ZBTB7C: variants seen among roughly 807,000 people sequenced by gnomAD.
The protein encoded by ZBTB7C is zinc finger and BTB domain containing 7C, also known as zinc finger and BTB domain-containing protein 7C.
In ZBTB7C, 8 loss-of-function variants were observed where a neutral mutation model predicts 25.7. That is an observed-to-expected ratio of 0.31 (90% CI 0.18 to 0.56). The LOEUF (loss-of-function observed/expected upper bound fraction) is 0.56. Among genes scored for constraint, ZBTB7C ranks in the 20% least tolerant of loss-of-function variants. The probability of loss-of-function intolerance (pLI) is 0.91; values close to 1 mark genes in which losing one functional copy is unlikely to be tolerated. For synonymous variants in ZBTB7C, 394 were observed against 369.0 expected (o/e 1.07, Z -0.78); for missense variants, 824 against 855.2 (o/e 0.96, Z 0.46).
At chr18:48,304,048 G>C (rs2045607570) in intron 2 of ZBTB7C, among the ~76,000 whole-genome samples, 1 of 152,136 alleles carries the variant, frequency 6.6e-6, no homozygotes, top group Admixed American at 6.5e-5. Flanking sequence ...GACCAGCCCA[G>C]GGTCCCCTGG....
At chr18:48,250,361 G>A (rs376735986) in intron 2 of ZBTB7C, among the ~76,000 whole-genome samples, 11 of 152,100 alleles carry the variant, frequency 7.2e-5, no homozygotes, top group African/African-American at 1.2e-4. Flanking sequence ...AACTCTCTGC[G>A]CCTCACTTTC....
chr18:48,296,081 C>A (rs2144715256), intron 2 of ZBTB7C, among the ~76,000 whole-genome samples: 1 of 152,324 alleles, frequency 6.6e-6, no homozygotes, highest in South Asian at 2.1e-4. Flanking sequence ...CCTGGGGCTG[C>A]ACCTCCCCCT....
intron 1 of ZBTB7C, among the ~76,000 whole-genome samples, chr18:48,343,134 T>G (rs1010138454): frequency 6.6e-6 from 1 of 152,124 alleles, no homozygotes; most frequent in Non-Finnish European, 1.5e-5. Context: ...TTGCTTGAGC[T>G]CTCTGGGCCT....
intron 3 of ZBTB7C, among the ~76,000 whole-genome samples, chr18:48,094,075 G>A (rs2038526764): frequency 6.6e-6 from 1 of 152,090 alleles, no homozygotes; most frequent in South Asian, 2.1e-4. Flanking sequence ...AAGAGAAAAA[G>A]ATTAATAACC....
chr18:48,395,264 AATGTGTGTGTGTGTGTGT>A (rs1568422446), intron 1 of ZBTB7C, among the ~76,000 whole-genome samples: 3 of 97,596 alleles, frequency 3.1e-5, no homozygotes, highest in Non-Finnish European at 6.5e-5. Context: ...AGAGAGAGAG[AATGTGTGTGTGTGTGTGT>A]GTGTGTGTGT....
chr18:48,373,976 A>AAGGG (rs1568409031), intron 1 of ZBTB7C, among the ~76,000 whole-genome samples: 1 of 148,480 alleles, frequency 6.7e-6, no homozygotes, highest in African/African-American at 2.5e-5. Flanking sequence ...AAAAAAAAGC[A>AAGGG]TGTGGCACCT....
chr18:48,198,122 A>C (rs540160276), intron 2 of ZBTB7C, among the ~76,000 whole-genome samples: 2 of 152,312 alleles, frequency 1.3e-5, no homozygotes, highest in South Asian at 4.1e-4. Flanking sequence ...CAATGGCTTT[A>C]TATGCACTTA....
intron 1 of ZBTB7C, among the ~76,000 whole-genome samples, chr18:48,362,761 A>G (rs1440782530): frequency 6.6e-6 from 1 of 152,152 alleles, no homozygotes; most frequent in Non-Finnish European, 1.5e-5. Context: ...CCCCAAAACC[A>G]GCCTTTTGGC....
intron 3 of ZBTB7C, among the ~76,000 whole-genome samples, chr18:48,083,313 C>T (rs767805497): frequency 2.0e-5 from 3 of 151,990 alleles, no homozygotes; most frequent in East Asian, 1.9e-4. Context: ...ACCAACATCC[C>T]GAGGGGCTGT....
chr18:48,248,906 C>CA (rs1185494718), intron 2 of ZBTB7C, among the ~76,000 whole-genome samples: 1 of 151,688 alleles, frequency 6.6e-6, no homozygotes, highest in Non-Finnish European at 1.5e-5. Flanking sequence ...ATAAACAAAA[C>CA]AAAAATGATT....
At chr18:48,228,747 TCACA>T (rs55895960) in intron 2 of ZBTB7C, among the ~76,000 whole-genome samples, 16 of 141,178 alleles carry the variant, frequency 1.1e-4, no homozygotes, top group South Asian at 2.5e-4. Context: ...TCTCTCTCTC[TCACA>T]CACACACACA....
intron 1 of ZBTB7C, among the ~76,000 whole-genome samples, chr18:48,360,761 C>T (rs1022590628): frequency 1.3e-5 from 2 of 151,790 alleles, no homozygotes; most frequent in Admixed American, 6.6e-5. Flanking sequence ...TGGAGGAGCC[C>T]GAGGAAGGAG....
intron 2 of ZBTB7C, among the ~76,000 whole-genome samples, chr18:48,261,481 GC>G (rs1477278333): frequency 3.3e-5 from 5 of 152,188 alleles, no homozygotes; most frequent in Non-Finnish European, 7.3e-5. Flanking sequence ...GCTTGGCGCT[GC>G]CGGAACTATG....
At chr18:48,331,601 T>A (rs1016168426) in intron 2 of ZBTB7C, among the ~76,000 whole-genome samples, 2 of 152,224 alleles carry the variant, frequency 1.3e-5, no homozygotes, top group African/African-American at 4.8e-5. Flanking sequence ...TATATTAGCA[T>A]CACCAAGGCT....
intron 2 of ZBTB7C, among the ~76,000 whole-genome samples, chr18:48,261,891 T>A (rs1196095356): frequency 6.6e-6 from 1 of 152,218 alleles, no homozygotes; most frequent in African/African-American, 2.4e-5. Context: ...GAGGCAGGTC[T>A]GGCCTTGGCC....
chr18:48,384,139 G>A (rs2047693841), intron 1 of ZBTB7C, among the ~76,000 whole-genome samples: 2 of 152,320 alleles, frequency 1.3e-5, no homozygotes, highest in East Asian at 1.9e-4. Context: ...TGACAAAGGT[G>A]AAGGGAAGAA....
intron 2 of ZBTB7C, among the ~76,000 whole-genome samples, chr18:48,279,231 T>G (rs11877272): frequency 0.11 from 16,051 of 152,100 alleles, 992 homozygotes; most frequent in African/African-American, 0.16. Flanking sequence ...TAAAACGGAA[T>G]GCCCTGACAT....
intron 3 of ZBTB7C, among the ~76,000 whole-genome samples, chr18:48,162,644 G>T (rs2041103969): frequency 6.6e-6 from 1 of 152,160 alleles, no homozygotes; most frequent in African/African-American, 2.4e-5. Context: ...TCCTGGCCCT[G>T]TCACTTCATA....
At chr18:48,375,287 C>A (rs1240545488) in intron 1 of ZBTB7C, among the ~76,000 whole-genome samples, 5 of 152,232 alleles carry the variant, frequency 3.3e-5, no homozygotes, top group African/African-American at 9.6e-5. Context: ...TTCGGCAAGG[C>A]TCTGGCTCTC....
Sources: allele counts gnomAD v4.1 joint callset (sites outside exome capture counted in the v4.1 genomes callset), GRCh38; gene constraint gnomAD v4.1.1; transcripts MANE v1.5; gene names NCBI Gene and HGNC (gene_info 2026-07-23, HGNC 2026-07-21).